GCNT2: variants seen among roughly 807,000 people sequenced by gnomAD.
GCNT2 encodes the protein N-acetyllactosaminide beta-1,6-N-acetylglucosaminyl-transferase.
A neutral mutation model predicts 34.2 loss-of-function variants in GCNT2; 34 were observed. The observed-to-expected ratio is 1.00, with a 90% CI of 0.76 to 1.32. The LOEUF (loss-of-function observed/expected upper bound fraction) is 1.32. Ranked by LOEUF, GCNT2 falls within the 40% of genes most tolerant of loss-of-function variation. The probability of loss-of-function intolerance (pLI) is 0.00; values close to 1 mark genes in which losing one functional copy is unlikely to be tolerated. For missense variants in GCNT2, 584 were observed against 489.4 expected (o/e 1.19, Z -1.82); for synonymous variants, 212 against 188.0 (o/e 1.13, Z -1.04).
At chr6:10,543,352 C>G (rs1310153296) in intron 3 of GCNT2, among the ~76,000 whole-genome samples, 1 of 151,902 alleles carries the variant, frequency 6.6e-6, no homozygotes, top group African/African-American at 2.4e-5. Flanking sequence ...CCACACCCAG[C>G]TAACTTGTTT....
intron 4 of GCNT2, among the ~76,000 whole-genome samples, chr6:10,624,022 T>C (rs746584924): frequency 1.3e-4 from 20 of 152,180 alleles, no homozygotes; most frequent in Non-Finnish European, 2.6e-4. Context: ...TGTACTTCCC[T>C]AGGCAGAGTA....
intron 3 of GCNT2, chr6:10,556,202 A>T: frequency 4.2e-6 from 6 of 1,419,394 alleles, no homozygotes; most frequent in Non-Finnish European, 5.5e-6. Context: ...GGGGATTTAA[A>T]CAAAGGAGGT....
intron 1 of GCNT2, among the ~76,000 whole-genome samples, chr6:10,523,972 C>CA (rs774638226): frequency 0.53 from 36,219 of 68,134 alleles, 9,867 homozygotes; most frequent in East Asian, 0.69. Context: ...GACTCTGTCT[C>CA]AAAAAAAAAA....
At chr6:10,548,615 T>C (rs1187183995) in intron 3 of GCNT2, among the ~76,000 whole-genome samples, 3 of 152,276 alleles carry the variant, frequency 2.0e-5, no homozygotes, top group Non-Finnish European at 2.9e-5. Flanking sequence ...TTGTACTTCA[T>C]ATAAGTGGAA....
chr6:10,525,989 G>GT (rs1240847440), intron 1 of GCNT2, among the ~76,000 whole-genome samples: 3 of 152,182 alleles, frequency 2.0e-5, no homozygotes, highest in Non-Finnish European at 1.5e-5. Flanking sequence ...TACTTGACTA[G>GT]TTTAGATAAG....
At chr6:10,588,872 G>C (rs1037592898) in intron 3 of GCNT2, among the ~76,000 whole-genome samples, 6 of 123,440 alleles carry the variant, frequency 4.9e-5, no homozygotes, top group African/African-American at 1.8e-4. Flanking sequence ...TATGTGTGTG[G>C]GGTATGTGTG....
chr6:10,532,642 T>C (rs959998214), intron 3 of GCNT2, among the ~76,000 whole-genome samples: 5 of 152,100 alleles, frequency 3.3e-5, no homozygotes, highest in African/African-American at 1.2e-4. Flanking sequence ...TGGCTAACTT[T>C]AACTTTTGTA....
At chr6:10,614,650 AAAAG>A (rs1299464266) in intron 3 of GCNT2, among the ~76,000 whole-genome samples, 1 of 149,034 alleles carries the variant, frequency 6.7e-6, no homozygotes, top group Non-Finnish European at 1.5e-5. Context: ...AAAAAAGAGA[AAAAG>A]AAGAAAGGTA....
chr6:10,575,285 T>C (rs1763754743), intron 3 of GCNT2: 1 of 260,412 alleles, frequency 3.8e-6, no homozygotes, highest in African/African-American at 2.3e-5. Context: ...AACCAAATTT[T>C]CCGTGATAGT....
intron 3 of GCNT2, chr6:10,586,850 A>G (rs1300664445): frequency 1.2e-6 from 2 of 1,613,426 alleles, no homozygotes; most frequent in Middle Eastern, 1.7e-4. Flanking sequence ...TTGATCTACT[A>G]CAATGGTCAA....
At chr6:10,575,149 A>G in intron 3 of GCNT2, 1 of 410,662 alleles carries the variant, frequency 2.4e-6, no homozygotes, top group Non-Finnish European at 4.6e-6. Flanking sequence ...TACGTGGCCA[A>G]AGGAACAACT....
At chr6:10,548,502 C>G (rs765364810) in intron 3 of GCNT2, among the ~76,000 whole-genome samples, 3 of 152,264 alleles carry the variant, frequency 2.0e-5, no homozygotes, top group African/African-American at 7.2e-5. Context: ...CTATCAGCGT[C>G]ATCACTCATA....
intron 4 of GCNT2, among the ~76,000 whole-genome samples, chr6:10,625,040 ATTCT>A (rs1464346273): frequency 7.9e-5 from 12 of 151,904 alleles, no homozygotes; most frequent in Admixed American, 7.9e-4. Flanking sequence ...CCGCCTGGTC[ATTCT>A]TTCACTTCCT....
chr6:10,529,932 C>T (rs1761402621), intron 3 of GCNT2, 96 bp downstream of exon 3: 1 of 1,015,064 alleles, frequency 9.9e-7, no homozygotes. Context: ...ATGGGACAAA[C>T]TTCTTTACGG....
intron 3 of GCNT2, among the ~76,000 whole-genome samples, chr6:10,589,093 T>C (rs1364570073): frequency 1.1e-3 from 126 of 116,786 alleles, no homozygotes; most frequent in African/African-American, 3.4e-3. Flanking sequence ...TGTAGTGTGG[T>C]GTGTGTGTAG....
chr6:10,564,676 T>A (rs942589573), intron 3 of GCNT2, among the ~76,000 whole-genome samples: 1 of 152,238 alleles, frequency 6.6e-6, no homozygotes, highest in African/African-American at 2.4e-5. Flanking sequence ...AGTACCTGAC[T>A]TTTGTGTCTC....
intron 3 of GCNT2, chr6:10,585,818 C>T (rs939171318): frequency 2.7e-5 from 39 of 1,451,584 alleles, no homozygotes; most frequent in East Asian, 7.5e-5. Flanking sequence ...AAAGGATGGA[C>T]GAGACACCGA....
chr6:10,613,172 C>T (rs899982485), intron 3 of GCNT2, among the ~76,000 whole-genome samples: 3 of 152,102 alleles, frequency 2.0e-5, no homozygotes, highest in Non-Finnish European at 4.4e-5. Flanking sequence ...ATAATGAGAA[C>T]GTCAAGTCAA....
intron 3 of GCNT2, among the ~76,000 whole-genome samples, chr6:10,610,182 C>T (rs865933706): frequency 3.3e-5 from 5 of 152,334 alleles, no homozygotes; most frequent in Middle Eastern, 6.8e-3. Context: ...GCTTGGAGAA[C>T]TGCTGGTAGA....
Sources: allele counts gnomAD v4.1 joint callset (sites outside exome capture counted in the v4.1 genomes callset), GRCh38; gene constraint gnomAD v4.1.1; transcripts MANE v1.5; gene names NCBI Gene and HGNC (gene_info 2026-07-23, HGNC 2026-07-21).